The following CLVS1 variants were observed in gnomAD, a reference collection of about 807,000 sequenced individuals.
CLVS1 encodes clavesin-1.
CLVS1 carries 10 observed loss-of-function variants against 33.1 expected under a neutral mutation model. That is an observed-to-expected ratio of 0.30 (90% CI 0.19 to 0.51). The LOEUF (loss-of-function observed/expected upper bound fraction) is 0.51, where lower values mean the gene tolerates loss of function less well. Among genes scored for constraint, CLVS1 ranks in the 20% least tolerant of loss-of-function variants. The pLI, the probability that CLVS1 is intolerant of heterozygous loss-of-function variation, is 0.97. For synonymous variants in CLVS1, 163 were observed against 166.1 expected (o/e 0.98, Z 0.14); for missense variants, 343 against 433.4 (o/e 0.79, Z 1.85).
In CLVS1 at chr8:61,115,572, T is replaced by G. The variant is rs928692571; in HGVS notation, c.-242-16198T>G. On this transcript the variant is annotated intron_variant, in intron 1 of 2. Coordinates refer to the CLVS1 transcript ENST00000522621. ...CCCCAGTGTGATATTCCCCTTCCTGTGTCCATGTGTTCTCATTGTTCAATT... is the reference window on the plus strand; with the variant it reads ...CCCCAGTGTGATATTCCCCTTCCTGGGTCCATGTGTTCTCATTGTTCAATT... 5.4e-3 allele frequency among the ~76,000 whole-genome samples: 822 copies of G among 151,898 alleles called. 5 individuals are homozygous for G. The highest frequency in any genetic ancestry group is 0.018 in the African/African-American group (728 of 41,390).
chr8:61,049,858 G>A, the CLVS1 span, among the ~76,000 whole-genome samples: 29,288 of 152,184 alleles, frequency 0.19, 3,799 homozygotes, highest in African/African-American at 0.37. Flanking sequence ...TAGAAGCGGC[G>A]CTGAAACTGT....
chr8:61,354,962 A>G (rs904352498), intron 2 of CLVS1, among the ~76,000 whole-genome samples: 4 of 152,204 alleles, frequency 2.6e-5, no homozygotes, highest in Non-Finnish European at 5.9e-5. Context: ...ACATGCACAC[A>G]TACAAACAAA....
intron 5 of CLVS1, among the ~76,000 whole-genome samples, chr8:61,472,712 T>G (rs1336368892): frequency 6.6e-6 from 1 of 152,156 alleles, no homozygotes; most frequent in Non-Finnish European, 1.5e-5. Context: ...TATACACAAG[T>G]AGGATAGAGG....
At chr8:61,190,219 T>C (rs886393186) in intron 2 of CLVS1, among the ~76,000 whole-genome samples, 3 of 152,158 alleles carry the variant, frequency 2.0e-5, no homozygotes, top group African/African-American at 4.8e-5. Context: ...ATTAAGAAAC[T>C]CACTCCAAAC....
chr8:61,221,723 G>C (rs1370711805), intron 2 of CLVS1, among the ~76,000 whole-genome samples: 3 of 152,120 alleles, frequency 2.0e-5, no homozygotes, highest in Non-Finnish European at 4.4e-5. Flanking sequence ...AGGAGTCCCT[G>C]CTTTTCAATT....
chr8:61,136,219 T>C (rs1806188713), intron 2 of CLVS1, among the ~76,000 whole-genome samples: 1 of 152,202 alleles, frequency 6.6e-6, no homozygotes, highest in Admixed American at 6.5e-5. Context: ...TCATATTGGA[T>C]GCACGTGGAA....
intron 2 of CLVS1, among the ~76,000 whole-genome samples, chr8:61,196,963 T>C (rs1807626284): frequency 6.6e-6 from 1 of 152,180 alleles, no homozygotes; most frequent in Non-Finnish European, 1.5e-5. Context: ...CTTTTCCATG[T>C]GCTGAAATGA....
intron 3 of CLVS1, among the ~76,000 whole-genome samples, chr8:61,451,633 C>T (rs558709999): frequency 2.0e-5 from 3 of 152,056 alleles, no homozygotes; most frequent in African/African-American, 4.8e-5. Context: ...TCCAGGAGGG[C>T]GGTAGGCCTC....
chr8:61,448,350 C>A (rs1450793939), intron 3 of CLVS1, among the ~76,000 whole-genome samples: 3 of 152,086 alleles, frequency 2.0e-5, no homozygotes, highest in Non-Finnish European at 4.4e-5. Context: ...CGATCTCTCT[C>A]CTTCCTTTTA....
intron 1 of CLVS1, among the ~76,000 whole-genome samples, chr8:61,122,259 A>T (rs1429150605): frequency 6.6e-6 from 1 of 152,240 alleles, no homozygotes; most frequent in Non-Finnish European, 1.5e-5. Flanking sequence ...CATTTTTGTC[A>T]TATGCTTCTG....
At chr8:61,203,008 A>G (rs1302288277) in intron 2 of CLVS1, 1 of 1,353,192 alleles carries the variant, frequency 7.4e-7, no homozygotes, top group East Asian at 2.3e-5. Flanking sequence ...ACCAAGATCA[A>G]AAGGACAAGA....
At chr8:61,077,786 T>C (rs940029091) in intron 1 of CLVS1, among the ~76,000 whole-genome samples, 1 of 152,158 alleles carries the variant, frequency 6.6e-6, no homozygotes, top group African/African-American at 2.4e-5. Flanking sequence ...CTCCCAGCAC[T>C]GGGAGGAGCA....
intron 1 of CLVS1, among the ~76,000 whole-genome samples, chr8:61,089,080 T>C (rs10957181): frequency 0.23 from 34,818 of 152,094 alleles, 4,558 homozygotes; most frequent in East Asian, 0.43. Flanking sequence ...GGATTACAGG[T>C]GTGAGCCACC....
intron 1 of CLVS1, among the ~76,000 whole-genome samples, chr8:61,058,881 C>G (rs1171516743): frequency 1.3e-5 from 2 of 152,014 alleles, no homozygotes; most frequent in Non-Finnish European, 2.9e-5. Flanking sequence ...AAAGTTCATT[C>G]CTTTTAATGA....
At chr8:61,025,873 A>C in the CLVS1 span, among the ~76,000 whole-genome samples, 2 of 152,194 alleles carry the variant, frequency 1.3e-5, no homozygotes, top group South Asian at 4.1e-4. Flanking sequence ...TTGGCCAAGA[A>C]ACACAGGCAA....
At chr8:61,300,388 A>G in intron 2 of CLVS1, 106 bp downstream of exon 2, 2 of 1,024,092 alleles carry the variant, frequency 2.0e-6, no homozygotes, top group East Asian at 2.6e-5. Context: ...ATTAAAAAAT[A>G]TTTCACATGT....
At chr8:61,398,031 A>C (rs1167208094) in intron 3 of CLVS1, among the ~76,000 whole-genome samples, 2 of 152,128 alleles carry the variant, frequency 1.3e-5, no homozygotes, top group Non-Finnish European at 2.9e-5. Flanking sequence ...CAATTTTTGC[A>C]CAAAAAAGGA....
chr8:61,361,420 C>T (rs1204999196), intron 2 of CLVS1, among the ~76,000 whole-genome samples: 1 of 152,174 alleles, frequency 6.6e-6, no homozygotes, highest in African/African-American at 2.4e-5. Flanking sequence ...TCCACATAAT[C>T]CCAAGATGCT....
At chr8:61,046,888 G>A in the CLVS1 span, among the ~76,000 whole-genome samples, 18 of 152,044 alleles carry the variant, frequency 1.2e-4, 1 homozygote, top group Admixed American at 1.2e-3. Flanking sequence ...GGAGATTTTG[G>A]GCTGAGACAA....
Sources: allele counts gnomAD v4.1 joint callset (sites outside exome capture counted in the v4.1 genomes callset), GRCh38; gene constraint gnomAD v4.1.1; transcripts MANE v1.5; gene names NCBI Gene and HGNC (gene_info 2026-07-23, HGNC 2026-07-21).